The following CCDC7 variants were observed in gnomAD, a reference collection of about 807,000 sequenced individuals.
CCDC7 encodes coiled-coil domain containing 7, also known as coiled-coil domain-containing protein 7.
A neutral mutation model predicts 196.9 loss-of-function variants in CCDC7; 183 were observed. The ratio of observed to expected loss-of-function variants is 0.93; its 90% confidence interval spans 0.82 to 1.05. CCDC7 has a LOEUF of 1.05. CCDC7 is among the 50% of genes least tolerant of loss of function. The pLI, the probability that CCDC7 is intolerant of heterozygous loss-of-function variation, is 0.00. For synonymous variants in CCDC7, 525 were observed against 484.6 expected, an observed-to-expected ratio of 1.08 and a Z score of -1.10; for missense variants, 1,540 against 1,482.2, an observed-to-expected ratio of 1.04 and a Z score of -0.64.
At chr10:32,498,159 C>G (rs1391989986) in intron 9 of CCDC7, among the ~76,000 whole-genome samples, 1 of 151,980 alleles carries the variant, frequency 6.6e-6, no homozygotes, top group Non-Finnish European at 1.5e-5. Context: ...GCCCTTTTCT[C>G]TTTTGATTTC....
At chr10:32,488,390 T>C (rs2041595214) in intron 8 of CCDC7, among the ~76,000 whole-genome samples, 1 of 152,202 alleles carries the variant, frequency 6.6e-6, no homozygotes, top group Non-Finnish European at 1.5e-5. Flanking sequence ...TGTCACCCCT[T>C]TCTTTGACTA....
chr10:32,750,227 A>C (rs956385563), intron 28 of CCDC7, among the ~76,000 whole-genome samples: 1 of 152,134 alleles, frequency 6.6e-6, no homozygotes, highest in Non-Finnish European at 1.5e-5. Flanking sequence ...TCATTGCTGT[A>C]TGAAGGCACT....
intron 7 of CCDC7, among the ~76,000 whole-genome samples, chr10:32,473,382 G>C (rs2038346211): frequency 6.6e-6 from 1 of 152,210 alleles, no homozygotes; most frequent in African/African-American, 2.4e-5. Context: ...AGAGTAAGAA[G>C]CAATATATAG....
chr10:32,882,379 G>T (rs963462261), intron 22 of CCDC7, among the ~76,000 whole-genome samples: 5 of 152,160 alleles, frequency 3.3e-5, no homozygotes, highest in African/African-American at 1.2e-4. Flanking sequence ...AACTGACTTA[G>T]TAGGATTTTT....
intron 24 of CCDC7, among the ~76,000 whole-genome samples, chr10:32,708,927 T>G (rs144824913): frequency 0.018 from 2,678 of 152,260 alleles, 91 homozygotes; most frequent in African/African-American, 0.061. Flanking sequence ...TCCTCAAGCA[T>G]CTAGAACTAG....
In CCDC7 at chr10:32,548,091, C is replaced by G. The variant is rs544344010; in HGVS notation, c.1134+3790C>G. On this transcript the variant is annotated intron_variant, in intron 13 of 41. Coordinates refer to ENST00000639629, the Ensembl canonical transcript of CCDC7. The stretch of plus-strand genomic sequence containing the variant: ...AGCACTCGAACATAAATTTAATTTT[C>G]TCAGCAAGGTAATTTTACTTCTATA... Among the ~76,000 whole-genome samples, 514 of 152,248 alleles carry G rather than the reference C, an allele frequency of 3.4e-3. 5 individuals are homozygous for G. Among genetic ancestry groups the G allele is most frequent in the African/African-American group, 0.012 (486 of 41,546 alleles).
At chr10:32,494,211 G>T (rs1417125056) in intron 9 of CCDC7, among the ~76,000 whole-genome samples, 2 of 152,012 alleles carry the variant, frequency 1.3e-5, no homozygotes, top group Non-Finnish European at 2.9e-5. Flanking sequence ...GTCTATTTTT[G>T]TATATGAGAT....
intron 23 of CCDC7, among the ~76,000 whole-genome samples, chr10:32,691,132 C>G (rs2077032183): frequency 6.6e-6 from 1 of 152,148 alleles, no homozygotes; most frequent in African/African-American, 2.4e-5. Flanking sequence ...CTTGGCCTAA[C>G]TCTTAATTTT....
At position 32,584,305 on chromosome 10, in the gene CCDC7, G is replaced by C; in HGVS notation, c.1801+1G>C. On this transcript the variant is annotated splice_donor_variant, in intron 18 of 41. Transcript: ENST00000639629. LOFTEE classifies it high-confidence loss of function. ...TACCAAGCAGCAGAAAAATCTCAAG[G>C]TAAAAAGACTCTGTTTTGGAAGATG... The C allele has an allele frequency of 2.5e-6, 4 of 1,580,768 alleles. No individual in the cohort carries two copies. Among genetic ancestry groups the C allele is most frequent in the Non-Finnish European group, 2.6e-6 (3 of 1,154,794 alleles).
chr10:32,636,163 T>C (rs1295657529), intron 20 of CCDC7, among the ~76,000 whole-genome samples: 3 of 152,228 alleles, frequency 2.0e-5, no homozygotes, highest in Admixed American at 2.0e-4. Flanking sequence ...TATTGAGTCA[T>C]TAGCATATAT....
In CCDC7 at chr10:32,552,663, C is replaced by T. The variant is rs181300216; in HGVS notation, c.1134+8362C>T. 3.3e-5 allele frequency among the ~76,000 whole-genome samples: 5 copies of T among 152,238 alleles called. No homozygotes were observed. In the East Asian group the frequency reaches 7.7e-4, roughly 24 times the overall value. ...TGTTTGTCTGAAAAAGACTGTATCT[C>T]TCCTTCATATATAATGCTTAGTTTC... is the stretch of plus-strand genomic sequence containing the variant. On this transcript the variant is annotated intron_variant, in intron 13 of 41. Coordinates refer to ENST00000639629, the Ensembl canonical transcript of CCDC7.
chr10:32,620,547 G>A (rs1426770659), intron 18 of CCDC7, among the ~76,000 whole-genome samples: 1 of 150,356 alleles, frequency 6.7e-6, no homozygotes, highest in Non-Finnish European at 1.5e-5. Flanking sequence ...TCTGGTACTT[G>A]ATTGCCATTT....
intron 31 of CCDC7, among the ~76,000 whole-genome samples, chr10:32,823,443 A>G (rs1477003900): frequency 6.6e-6 from 1 of 152,156 alleles, no homozygotes; most frequent in Non-Finnish European, 1.5e-5. Context: ...CCTGGCCAAT[A>G]TAATGCATTT....
chr10:32,728,992 A>T, exon 27 of CCDC7: 1 of 1,568,438 alleles, frequency 6.4e-7, no homozygotes, highest in Non-Finnish European at 8.8e-7. Flanking sequence ...GTGGAAAGAC[A>T]CAAGAGTGAG....
chr10:32,810,098 A>G (rs2086758864), intron 30 of CCDC7, among the ~76,000 whole-genome samples: 1 of 152,140 alleles, frequency 6.6e-6, no homozygotes, highest in Non-Finnish European at 1.5e-5. Context: ...AAATCACCAA[A>G]CCACAATGAT....
At chr10:32,658,286 G>A (rs1343825342) in intron 20 of CCDC7, among the ~76,000 whole-genome samples, 1 of 152,166 alleles carries the variant, frequency 6.6e-6, no homozygotes, top group African/African-American at 2.4e-5. Context: ...CTGAGACTAG[G>A]TAATTTATAG....
intron 22 of CCDC7, 47 bp from the exon 24 acceptor site, chr10:32,689,006 A>G (rs771462455): frequency 5.8e-6 from 7 of 1,207,792 alleles, no homozygotes; most frequent in Non-Finnish European, 7.2e-6. Context: ...CAGATTTCAA[A>G]TGGATTTATT....
chr10:32,814,315 C>T, intron 30 of CCDC7, 55 bp from the exon 32 acceptor site: 3 of 1,207,732 alleles, frequency 2.5e-6, no homozygotes, highest in Admixed American at 1.7e-5. Flanking sequence ...CACACTGTCA[C>T]ATTTGTGTAT....
chr10:32,646,989 G>A (rs945074340), intron 20 of CCDC7, among the ~76,000 whole-genome samples: 13 of 152,132 alleles, frequency 8.5e-5, no homozygotes, highest in African/African-American at 2.9e-4. Context: ...GCCATAGTTG[G>A]GCAACGAGAT....
Sources: gnomAD v4.1 joint callset for allele counts (sites outside exome capture counted in the v4.1 genomes callset) on GRCh38, gnomAD v4.1.1 for gene constraint, MANE v1.5 for transcripts, NCBI Gene and HGNC (gene_info 2026-07-23, HGNC 2026-07-21) for gene names.